TTC23L: variants seen among roughly 807,000 people sequenced by gnomAD.
The protein encoded by TTC23L is tetratricopeptide repeat protein 23-like.
TTC23L carries 42 observed loss-of-function variants against 48.1 expected under a neutral mutation model. That is an observed-to-expected ratio of 0.87 (90% confidence interval 0.68 to 1.13). The LOEUF (loss-of-function observed/expected upper bound fraction) is 1.13. Ranked by LOEUF, TTC23L falls within the 50% of genes most tolerant of loss-of-function variation. TTC23L has a pLI of 0.00. For synonymous variants in TTC23L, 159 were observed against 157.2 expected, an observed-to-expected ratio of 1.01 and a Z score of -0.09; for missense variants, 391 against 421.0, an observed-to-expected ratio of 0.93 and a Z score of 0.62.
downstream of TTC23L, among the ~76,000 whole-genome samples, chr5:34,901,692 G>A (rs184023310): frequency 2.0e-5 from 3 of 152,174 alleles, no homozygotes; most frequent in African/African-American, 4.8e-5. Flanking sequence ...AACCTGGGAG[G>A]TGGAGGTTGC....
At chr5:34,915,633 G>A in the TTC23L span, 6 of 1,373,148 alleles carry the variant, frequency 4.4e-6, no homozygotes, top group Non-Finnish European at 5.8e-6. Context: ...AGACCTGGAG[G>A]ACGACCGCGG....
intron 4 of TTC23L, among the ~76,000 whole-genome samples, chr5:34,859,042 C>T (rs1476970961): frequency 4.6e-5 from 7 of 152,168 alleles, no homozygotes; most frequent in Non-Finnish European, 1.5e-5. Flanking sequence ...CTTTCAAAAG[C>T]CTCAGGGACT....
chr5:34,850,318 T>A lies in TTC23L; in HGVS notation c.379+10T>A. On this transcript the variant is annotated intron_variant, in intron 4 of 10. Transcript: ENST00000505624. The stretch of plus-strand genomic sequence containing the variant: ...TACTTGACACTGAGAGGTACTTGGT[T>A]TTCCCAGCTGGGTTTGGGTGGCCAG... The A allele has an allele frequency of 6.2e-7, 1 of 1,613,298 alleles. No individual in the cohort carries two copies. Among genetic ancestry groups the A allele is most frequent in the South Asian group, 1.1e-5 (1 of 91,042 alleles).
chr5:34,923,315 T>C, the TTC23L span: 2 of 1,172,308 alleles, frequency 1.7e-6, no homozygotes, highest in Non-Finnish European at 2.5e-6. Context: ...GTCTCGCTCT[T>C]GTTGCCCAGG....
rs139744866 is a variant in TTC23L at position 34,841,181 on chromosome 5, G to T, written c.68+442G>T. On this transcript the variant is annotated intron_variant, in intron 2 of 10. Transcript: ENST00000505624. ...TTCCCGACTTAAGGAAATTTTAAAA[G>T]TTTTTAAAATAAAAATAGGTTAGTT... Among the ~76,000 whole-genome samples the T allele has an allele frequency of 5.1e-3, 782 of 152,302 alleles. 9 individuals carry two copies. The highest frequency in any genetic ancestry group is 0.027 in the Middle Eastern group (8 of 294).
the TTC23L span, among the ~76,000 whole-genome samples, chr5:34,912,644 C>T: frequency 6.6e-6 from 1 of 152,050 alleles, no homozygotes; most frequent in African/African-American, 2.4e-5. Context: ...ATACCCACAG[C>T]AATTCAATTT....
chr5:34,842,139 GTGAAA>G (rs1758733665), intron 2 of TTC23L, among the ~76,000 whole-genome samples: 1 of 152,124 alleles, frequency 6.6e-6, no homozygotes, highest in African/African-American at 2.4e-5. Context: ...ATATTAAAAG[GTGAAA>G]TGAAACACAT....
intron 8 of TTC23L, among the ~76,000 whole-genome samples, chr5:34,875,201 G>A (rs981830485): frequency 6.6e-6 from 1 of 152,116 alleles, no homozygotes; most frequent in African/African-American, 2.4e-5. Flanking sequence ...CAAAATATTT[G>A]AGGCAAAAAC....
intron 4 of TTC23L, among the ~76,000 whole-genome samples, chr5:34,852,420 G>T (rs1759752286): frequency 6.6e-6 from 1 of 152,118 alleles, no homozygotes; most frequent in African/African-American, 2.4e-5. Context: ...CAGGGAGTGT[G>T]GAGAGTTATT....
chr5:34,876,824 A>G (rs1429007266), intron 8 of TTC23L, among the ~76,000 whole-genome samples: 1 of 150,958 alleles, frequency 6.6e-6, no homozygotes, highest in African/African-American at 2.4e-5. Context: ...AACATCACAC[A>G]TCAGGGCCTG....
the TTC23L span, chr5:34,919,867 T>C: frequency 8.4e-7 from 1 of 1,193,612 alleles, no homozygotes; most frequent in Non-Finnish European, 1.2e-6. Flanking sequence ...AAGGATAAGC[T>C]ATTTGTGATT....
At chr5:34,911,702 C>G in the TTC23L span, 4 of 1,614,040 alleles carry the variant, frequency 2.5e-6, no homozygotes, top group African/African-American at 4.0e-5. Flanking sequence ...AGGGTCTCCT[C>G]AGGTTCCTGT....
chr5:34,894,949 A>C (rs1763115266), intron 9 of TTC23L, among the ~76,000 whole-genome samples: 1 of 152,102 alleles, frequency 6.6e-6, no homozygotes, highest in Admixed American at 6.5e-5. Flanking sequence ...CAATGATTGC[A>C]GATGGAAAGG....
chr5:34,859,748 C>T (rs1421048735), intron 4 of TTC23L, among the ~76,000 whole-genome samples: 1 of 151,832 alleles, frequency 6.6e-6, no homozygotes, highest in Admixed American at 6.6e-5. Flanking sequence ...TTATACCTGA[C>T]ATACAAATTA....
intron 2 of TTC23L, among the ~76,000 whole-genome samples, chr5:34,842,854 C>G (rs887317338): frequency 1.3e-5 from 2 of 152,342 alleles, no homozygotes; most frequent in African/African-American, 4.8e-5. Context: ...AGCACAGAGT[C>G]TTGCTCTGTC....
the TTC23L span, chr5:34,908,830 C>T: frequency 3.7e-6 from 6 of 1,612,980 alleles, no homozygotes; most frequent in South Asian, 5.5e-5. Flanking sequence ...CATATTTGTC[C>T]ATCTTCATTT....
chr5:34,878,916 A>T (rs1257432336), intron 8 of TTC23L, among the ~76,000 whole-genome samples: 1 of 152,252 alleles, frequency 6.6e-6, no homozygotes, highest in East Asian at 1.9e-4. Flanking sequence ...AGCACTATTC[A>T]CAATAGTAAA....
the TTC23L span, chr5:34,908,835 T>G: frequency 6.2e-7 from 1 of 1,613,166 alleles, no homozygotes; most frequent in Non-Finnish European, 8.5e-7. Context: ...TTGTCCATCT[T>G]CATTTCTAAT....
the TTC23L span, chr5:34,916,163 C>T: frequency 3.0e-6 from 1 of 336,162 alleles, no homozygotes; most frequent in Non-Finnish European, 5.4e-6. Context: ...ATCCAGCGTT[C>T]TTTCTTACTA....
Sources: allele counts gnomAD v4.1 joint callset (sites outside exome capture counted in the v4.1 genomes callset), GRCh38; gene constraint gnomAD v4.1.1; transcripts MANE v1.5; gene names NCBI Gene and HGNC (gene_info 2026-07-23, HGNC 2026-07-21).